Variants in LOC400499 observed in about 807,000 individuals in gnomAD.
the LOC400499 span, chr16:11,456,949 G>T: frequency 3.3e-6 from 5 of 1,536,288 alleles, no homozygotes; most frequent in Middle Eastern, 1.7e-4. Context: ...ACCTTCAGGT[G>T]ACTGCTGCTC....
At chr16:11,466,605 T>C in the LOC400499 span, among the ~76,000 whole-genome samples, 1 of 152,064 alleles carries the variant, frequency 6.6e-6, no homozygotes, top group Admixed American at 6.6e-5. Context: ...TTCAGGCTGG[T>C]CTTGAACTCC....
chr16:11,438,054 C>T, the LOC400499 span, among the ~76,000 whole-genome samples: 1 of 152,126 alleles, frequency 6.6e-6, no homozygotes, highest in Non-Finnish European at 1.5e-5. Context: ...CAAGTCACGC[C>T]ACCTCTCTAA....
At chr16:11,494,513 T>C in the LOC400499 span, 1 of 218,662 alleles carries the variant, frequency 4.6e-6, no homozygotes. Flanking sequence ...GGAGCTTGCC[T>C]GATTCGCTTC....
At chr16:11,392,515 G>C in the LOC400499 span, 1 of 398,976 alleles carries the variant, frequency 2.5e-6, no homozygotes, top group Non-Finnish European at 4.4e-6. Context: ...GAGCCAGAAA[G>C]GGACCTGCTG....
chr16:11,398,755 G>C, the LOC400499 span, among the ~76,000 whole-genome samples: 1 of 152,052 alleles, frequency 6.6e-6, no homozygotes, highest in South Asian at 2.1e-4. Context: ...TACCTCCCAG[G>C]TTCAAGCGAT....
At chr16:11,379,394 A>T in the LOC400499 span, among the ~76,000 whole-genome samples, 1 of 152,144 alleles carries the variant, frequency 6.6e-6, no homozygotes, top group Non-Finnish European at 1.5e-5. Context: ...CTTTTTGGTG[A>T]ATTGACTGTT....
the LOC400499 span, among the ~76,000 whole-genome samples, chr16:11,433,590 G>C: frequency 6.6e-6 from 1 of 152,202 alleles, no homozygotes; most frequent in Non-Finnish European, 1.5e-5. Context: ...TGGTTCTAAT[G>C]AGGTGACTCT....
At chr16:11,516,242 G>C in the LOC400499 span, 4 of 399,678 alleles carry the variant, frequency 1.0e-5, no homozygotes, top group Non-Finnish European at 8.8e-6. Flanking sequence ...AGTGGGATGG[G>C]GACACAGGTG....
At chr16:11,439,473 G>A in the LOC400499 span, 1 of 399,030 alleles carries the variant, frequency 2.5e-6, no homozygotes, top group Non-Finnish European at 4.4e-6. Context: ...CATCTCCAAG[G>A]GAGCAACGTC....
At chr16:11,416,086 G>A in the LOC400499 span, among the ~76,000 whole-genome samples, 3 of 151,926 alleles carry the variant, frequency 2.0e-5, no homozygotes, top group East Asian at 3.9e-4. Flanking sequence ...CTCCTGAGTA[G>A]CTGGGACTAC....
At chr16:11,372,953 G>A in the LOC400499 span, among the ~76,000 whole-genome samples, 7 of 152,236 alleles carry the variant, frequency 4.6e-5, no homozygotes, top group East Asian at 1.9e-4. Flanking sequence ...TGCAGGCAGC[G>A]GTGCTAGGCC....
the LOC400499 span, among the ~76,000 whole-genome samples, chr16:11,439,093 G>A: frequency 0.46 from 69,378 of 151,744 alleles, 16,117 homozygotes; most frequent in South Asian, 0.57. Context: ...CAAATTTGGT[G>A]GGGGGGACAG....
At chr16:11,450,255 T>C in the LOC400499 span, among the ~76,000 whole-genome samples, 1 of 152,278 alleles carries the variant, frequency 6.6e-6, no homozygotes, top group African/African-American at 2.4e-5. Context: ...TGACAGTCAG[T>C]AGTCGGCATC....
chr16:11,524,038 G>A, the LOC400499 span, among the ~76,000 whole-genome samples: 4 of 39,766 alleles, frequency 1.0e-4, no homozygotes, highest in East Asian at 2.2e-3. Flanking sequence ...CCCCTCCTAC[G>A]CATCCATTCA....
chr16:11,515,975 C>A, the LOC400499 span: 88 of 397,790 alleles, frequency 2.2e-4, no homozygotes, highest in Middle Eastern at 6.3e-4. Flanking sequence ...GCGTCCCCTG[C>A]GCAGGGAGCA....
chr16:11,477,326 G>T, the LOC400499 span, among the ~76,000 whole-genome samples: 5 of 152,222 alleles, frequency 3.3e-5, no homozygotes, highest in African/African-American at 9.6e-5. Context: ...TCAGCTGAGG[G>T]GCTGGGGACA....
At chr16:11,464,217 C>A in the LOC400499 span, among the ~76,000 whole-genome samples, 1 of 152,166 alleles carries the variant, frequency 6.6e-6, no homozygotes, top group Non-Finnish European at 1.5e-5. Context: ...CACGAATATA[C>A]AGACACACCC....
At chr16:11,490,012 A>G in the LOC400499 span, among the ~76,000 whole-genome samples, 6 of 152,308 alleles carry the variant, frequency 3.9e-5, no homozygotes, top group East Asian at 7.7e-4. Flanking sequence ...TTATAGTACA[A>G]ACTTCTGGCG....
the LOC400499 span, among the ~76,000 whole-genome samples, chr16:11,402,610 G>C: frequency 1.3e-5 from 2 of 152,176 alleles, no homozygotes; most frequent in African/African-American, 4.8e-5. Context: ...GTTGGGGAGA[G>C]CCTGCTTTCA....
Sources: allele counts gnomAD v4.1 joint callset (sites outside exome capture counted in the v4.1 genomes callset), GRCh38; gene constraint gnomAD v4.1.1; transcripts MANE v1.5.